Variants in PARP15 observed in about 807,000 individuals in gnomAD.
PARP15 encodes poly(ADP-ribose) polymerase family member 15, also known as protein mono-ADP-ribosyltransferase PARP15.
A neutral mutation model predicts 62.1 loss-of-function variants in PARP15; 50 were observed. The ratio of observed to expected loss-of-function variants is 0.81; its 90% confidence interval spans 0.64 to 1.02. PARP15 has a LOEUF of 1.02. Among genes scored for constraint, PARP15 ranks in the 50% least tolerant of loss-of-function variants. The pLI, the probability that PARP15 is intolerant of heterozygous loss-of-function variation, is 0.00. For missense variants in PARP15, 820 were observed against 826.5 expected, an observed-to-expected ratio of 0.99 and a Z score of 0.10; for synonymous variants, 309 against 293.1, an observed-to-expected ratio of 1.05 and a Z score of -0.55.
chr3:122,601,719 T>G (rs927838276), intron 1 of PARP15, among the ~76,000 whole-genome samples: 1 of 152,258 alleles, frequency 6.6e-6, no homozygotes, highest in African/African-American at 2.4e-5. Flanking sequence ...TGAATAAAGC[T>G]TTATTGCTTC....
chr3:122,603,340 G>C (rs1456819803), intron 1 of PARP15, among the ~76,000 whole-genome samples: 2 of 152,050 alleles, frequency 1.3e-5, no homozygotes, highest in African/African-American at 4.8e-5. Flanking sequence ...CAACCACCCA[G>C]CTTACTCAAG....
intron 1 of PARP15, among the ~76,000 whole-genome samples, chr3:122,592,012 C>T (rs923719250): frequency 1.3e-4 from 20 of 152,216 alleles, no homozygotes; most frequent in Middle Eastern, 3.4e-3. Flanking sequence ...TTAGTTCAAC[C>T]ATTGTGGAAG....
intron 1 of PARP15, among the ~76,000 whole-genome samples, chr3:122,591,307 A>AGAT (rs1933888052): frequency 6.6e-6 from 1 of 152,232 alleles, no homozygotes; most frequent in Non-Finnish European, 1.5e-5. Flanking sequence ...TTTGCAAAAG[A>AGAT]GATCCTTTAC....
At chr3:122,626,705 T>A (rs1936749753) in intron 8 of PARP15, 122 bp from the exon 9 acceptor site, 1 of 794,532 alleles carries the variant, frequency 1.3e-6, no homozygotes, top group Non-Finnish European at 2.0e-6. Flanking sequence ...GCTGTGAGTG[T>A]CAGATCAATT....
intron 9 of PARP15, among the ~76,000 whole-genome samples, chr3:122,627,359 C>T (rs1936801060): frequency 6.6e-6 from 1 of 152,126 alleles, no homozygotes; most frequent in Non-Finnish European, 1.5e-5. Context: ...ACCCTCATTT[C>T]CTCTTGGAGC....
intron 1 of PARP15, among the ~76,000 whole-genome samples, chr3:122,584,667 C>T (rs917478781): frequency 1.3e-5 from 2 of 151,266 alleles, no homozygotes; most frequent in South Asian, 4.2e-4. Flanking sequence ...AACCTCCACA[C>T]CCCGGGTTCA....
In PARP15 at chr3:122,578,368, A is replaced by G. The variant is rs1320134212; in HGVS notation, c.186+515A>G. ...TTGCTTCTAGTACTTGAACTGATGT[A>G]TTTTTTACATTTAGATCTATAATAC... is the stretch of plus-strand genomic sequence containing the variant. On this transcript the variant is annotated intron_variant, in intron 1 of 11. Coordinates refer to ENST00000464300, the MANE Select transcript of PARP15 (RefSeq NM_001113523.3). 2.0e-5 allele frequency among the ~76,000 whole-genome samples: 3 copies of G among 152,024 alleles called. No homozygotes were observed. The South Asian group carries it at 6.2e-4, about 32-fold the overall frequency.
chr3:122,624,001 A>G (rs2107579768), intron 8 of PARP15, among the ~76,000 whole-genome samples: 1 of 152,220 alleles, frequency 6.6e-6, no homozygotes, highest in East Asian at 1.9e-4. Flanking sequence ...AAATAGAAAA[A>G]TTAGCCAGGC....
intron 5 of PARP15, among the ~76,000 whole-genome samples, chr3:122,616,224 G>C (rs1449028955): frequency 6.6e-6 from 1 of 152,142 alleles, no homozygotes; most frequent in Admixed American, 6.5e-5. Context: ...AGATCTAAAG[G>C]GTTTAAGGGA....
At chr3:122,582,674 A>G (rs1004677380) in intron 1 of PARP15, among the ~76,000 whole-genome samples, 3 of 151,792 alleles carry the variant, frequency 2.0e-5, no homozygotes, top group Non-Finnish European at 4.4e-5. Flanking sequence ...GTTTTTCTTC[A>G]TGTTTATTGT....
intron 1 of PARP15, among the ~76,000 whole-genome samples, chr3:122,579,705 G>A (rs924094678): frequency 9.9e-5 from 15 of 151,824 alleles, no homozygotes; most frequent in African/African-American, 3.4e-4. Flanking sequence ...AGGGCCGGTC[G>A]CGGTGGCTCA....
chr3:122,625,050 CTTAA>C (rs1936612516), intron 8 of PARP15, among the ~76,000 whole-genome samples: 1 of 151,622 alleles, frequency 6.6e-6, no homozygotes. Flanking sequence ...TTATTATATT[CTTAA>C]TTACTCTATT....
chr3:122,621,202 T>C (rs902114892), intron 7 of PARP15: 2 of 410,638 alleles, frequency 4.9e-6, no homozygotes, highest in Non-Finnish European at 8.8e-6. Context: ...TTGAGCAGAT[T>C]GATGCAGATA....
chr3:122,617,245 G>A lies in PARP15; in HGVS notation c.1000+81G>A, dbSNP rs145310351. ...AAATTGTGGCTAATATTTGCCCTGA[G>A]TGGACAGAGAGTGTTGTAGAAAATA... On this transcript the variant is annotated intron_variant, in intron 6 of 11. Transcript: ENST00000464300. The A allele has an allele frequency of 7.7e-5, 109 of 1,412,196 alleles. No individual in the cohort carries two copies. The African/African-American group carries it at 1.4e-3, about 18-fold the overall frequency. The allele number at this position is 1,412,196 out of a possible 1,614,324, so 87.5% of individuals were successfully genotyped here.
chr3:122,635,166 C>T lies in PARP15; in HGVS notation c.1719C>T (p.Gly573=). Residue 573 remains glycine (G), a synonymous_variant, in exon 11 of 12, where the codon GGC becomes GGT. Coordinates refer to ENST00000464300, the MANE Select transcript of PARP15 (RefSeq NM_001113523.3). ...CAGTGCCATATGTCAATCAGCACGG[C>T]TTTAATAGAAGTTGTGCTGGGAAAA... The part of the protein sequence containing the change: ...ADSVPYVNQH[G]FNRSCAGKNA... 6.2e-7 allele frequency: 1 copy of T among 1,613,538 alleles called. No individual in the cohort carries two copies. Among genetic ancestry groups the T allele is most frequent in the East Asian group, 2.2e-5 (1 of 44,874 alleles).
chr3:122,621,569 C>T lies in PARP15; in HGVS notation c.1189C>T (p.Gln397Ter), dbSNP rs755203602. The T allele has an allele frequency of 6.2e-7, 1 of 1,612,024 alleles. No individual in the cohort carries two copies. The highest frequency in any genetic ancestry group is 1.7e-5 in the Admixed American group (1 of 59,470). The change falls in exon 8 of 12, where the codon CAG becomes TAG. Residue 397 changes from glutamine (Q) to a stop codon, truncating the protein, a stop_gained. Coordinates refer to ENST00000464300, the MANE Select transcript of PARP15 (RefSeq NM_001113523.3). LOFTEE classifies it high-confidence loss of function. ...CACCAGTGTTCTAGAAGAGTGTGAA[C>T]AGAGGAAGTACACATCGGTTTCCCT... ...TVTSVLEECE[Q>*]RKYTSVSLPA...
intron 4 of PARP15, among the ~76,000 whole-genome samples, chr3:122,614,559 A>G (rs1270467276): frequency 6.6e-6 from 1 of 152,230 alleles, no homozygotes; most frequent in Non-Finnish European, 1.5e-5. Flanking sequence ...GGTAAATATA[A>G]AATATCCAGA....
intron 2 of PARP15, among the ~76,000 whole-genome samples, chr3:122,609,181 T>C (rs775851374): frequency 4.6e-5 from 7 of 152,132 alleles, no homozygotes; most frequent in Non-Finnish European, 8.8e-5. Context: ...TGTTTTGTTT[T>C]GTTTCTTGGA....
intron 1 of PARP15, among the ~76,000 whole-genome samples, chr3:122,600,571 A>T (rs1323562953): frequency 2.0e-5 from 3 of 152,104 alleles, no homozygotes; most frequent in Non-Finnish European, 2.9e-5. Flanking sequence ...TCCCTTCTGC[A>T]TATCCTCATG....
Sources: allele counts gnomAD v4.1 joint callset (sites outside exome capture counted in the v4.1 genomes callset), GRCh38; gene constraint gnomAD v4.1.1; transcripts MANE v1.5; gene names NCBI Gene and HGNC (gene_info 2026-07-23, HGNC 2026-07-21).